Variants in GPHN observed in about 807,000 individuals in gnomAD.
GPHN encodes the protein gephyrin.
In GPHN, 17 loss-of-function variants were observed where a neutral mutation model predicts 95.5. That is an observed-to-expected ratio of 0.18 (90% CI 0.12 to 0.27). The LOEUF (loss-of-function observed/expected upper bound fraction) is 0.27, where lower values mean the gene tolerates loss of function less well. GPHN is among the 10% of genes least tolerant of loss of function. The pLI is 1.00. For missense variants in GPHN, 660 were observed against 978.1 expected, an observed-to-expected ratio of 0.67 and a Z score of 4.34; for synonymous variants, 320 against 322.5, an observed-to-expected ratio of 0.99 and a Z score of 0.08.
chr14:67,210,287 T>A, the GPHN span, among the ~76,000 whole-genome samples: 7 of 152,072 alleles, frequency 4.6e-5, no homozygotes, highest in African/African-American at 1.7e-4. Flanking sequence ...TGGGCAGAAT[T>A]TCAATGAAAA....
At chr14:66,690,028 AT>A (rs1460729964) in intron 2 of GPHN, among the ~76,000 whole-genome samples, 1 of 146,004 alleles carries the variant, frequency 6.8e-6, no homozygotes. Context: ...TATATGTTGT[AT>A]TTTTTTCTCA....
chr14:67,655,146 CT>C, the GPHN span, among the ~76,000 whole-genome samples: 6 of 151,158 alleles, frequency 4.0e-5, no homozygotes, highest in East Asian at 1.2e-3. Flanking sequence ...TCGAGAGCAA[CT>C]TTGGCAACAT....
At chr14:67,212,806 G>A in the GPHN span, among the ~76,000 whole-genome samples, 1 of 151,664 alleles carries the variant, frequency 6.6e-6, no homozygotes, top group Non-Finnish European at 1.5e-5. Context: ...GTGATCCTTA[G>A]GAGAGCCACA....
chr14:66,659,267 C>G (rs2065492546), intron 1 of GPHN, among the ~76,000 whole-genome samples: 2 of 151,714 alleles, frequency 1.3e-5, no homozygotes, highest in South Asian at 4.2e-4. Context: ...TGTGCCTTGT[C>G]TGGTATGTTT....
chr14:66,898,264 TCTAAGCACCCTTCAC>T (rs2064956393), intron 5 of GPHN, among the ~76,000 whole-genome samples: 1 of 151,904 alleles, frequency 6.6e-6, no homozygotes, highest in Non-Finnish European at 1.5e-5. Flanking sequence ...TGATGTAAAG[TCTAAGCACCCTTCAC>T]CTAGGCAAAG....
chr14:66,683,650 G>A (rs1392995694), intron 2 of GPHN, among the ~76,000 whole-genome samples: 1 of 147,602 alleles, frequency 6.8e-6, no homozygotes. Flanking sequence ...ACATTGAATA[G>A]GAAGTATATC....
chr14:67,600,857 G>C, the GPHN span, among the ~76,000 whole-genome samples: 1 of 152,200 alleles, frequency 6.6e-6, no homozygotes, highest in Non-Finnish European at 1.5e-5. Flanking sequence ...GGGATTACAG[G>C]CGTGAGCCAC....
At chr14:67,242,995 CAG>C in the GPHN span, among the ~76,000 whole-genome samples, 9 of 152,122 alleles carry the variant, frequency 5.9e-5, no homozygotes, top group Non-Finnish European at 1.0e-4. Flanking sequence ...AATCTCATCA[CAG>C]GGGCACGTGT....
the GPHN span, among the ~76,000 whole-genome samples, chr14:67,701,526 T>G: frequency 6.8e-6 from 1 of 147,726 alleles, no homozygotes; most frequent in Admixed American, 7.0e-5. Context: ...CAGGTTCAAG[T>G]GATTCTCCCG....
chr14:67,557,934 C>T, the GPHN span, among the ~76,000 whole-genome samples: 20 of 152,308 alleles, frequency 1.3e-4, 1 homozygote, highest in East Asian at 1.5e-3. Context: ...GATGGTCAGT[C>T]GTGGCCAGCT....
chr14:67,560,383 A>G, the GPHN span, among the ~76,000 whole-genome samples: 1 of 152,200 alleles, frequency 6.6e-6, no homozygotes, highest in Non-Finnish European at 1.5e-5. Context: ...GTGGTAAAAT[A>G]TACATAAAAT....
At chr14:66,560,123 T>C (rs559340031) in intron 1 of GPHN, among the ~76,000 whole-genome samples, 181 of 152,284 alleles carry the variant, frequency 1.2e-3, no homozygotes, top group African/African-American at 4.0e-3. Flanking sequence ...ACCAGTACCA[T>C]GCTGTTTTGG....
intron 9 of GPHN, among the ~76,000 whole-genome samples, chr14:66,979,994 C>T (rs2070543877): frequency 6.6e-6 from 1 of 152,026 alleles, no homozygotes; most frequent in Non-Finnish European, 1.5e-5. Flanking sequence ...GCACACACAG[C>T]ATTTATCAGT....
chr14:66,541,595 C>T (rs1368254813), intron 1 of GPHN, among the ~76,000 whole-genome samples: 22 of 152,004 alleles, frequency 1.4e-4, no homozygotes, highest in Admixed American at 1.3e-3. Flanking sequence ...TGAAGGAGAT[C>T]GATCTGCAGA....
chr14:66,704,421 C>T (rs975545379), intron 2 of GPHN, among the ~76,000 whole-genome samples: 7 of 152,006 alleles, frequency 4.6e-5, no homozygotes, highest in African/African-American at 7.2e-5. Flanking sequence ...GGAAGTAAAA[C>T]GCTCCTCAGC....
At chr14:67,143,211 C>G in intron 17 of GPHN, 151 bp from the exon 18 acceptor site, 1 of 678,280 alleles carries the variant, frequency 1.5e-6, no homozygotes, top group Non-Finnish European at 2.7e-6. Context: ...TCCTGTTAGG[C>G]AGAGACCCTT....
At chr14:66,896,820 A>G (rs1211845463) in intron 5 of GPHN, among the ~76,000 whole-genome samples, 2 of 152,038 alleles carry the variant, frequency 1.3e-5, no homozygotes, top group Admixed American at 1.3e-4. Context: ...ACAAAACAAA[A>G]AAAAACAAAG....
chr14:67,452,555 C>G, the GPHN span, among the ~76,000 whole-genome samples: 1 of 152,112 alleles, frequency 6.6e-6, no homozygotes, highest in Non-Finnish European at 1.5e-5. Context: ...TCCAAGTGGC[C>G]CTGTGCCTTA....
intron 4 of GPHN, among the ~76,000 whole-genome samples, chr14:66,838,611 C>T (rs1466844768): frequency 6.6e-6 from 1 of 151,946 alleles, no homozygotes; most frequent in Non-Finnish European, 1.5e-5. Context: ...AAATTAACAA[C>T]AAAATATAAA....
Sources: gnomAD v4.1 joint callset for allele counts (sites outside exome capture counted in the v4.1 genomes callset) on GRCh38, gnomAD v4.1.1 for gene constraint, MANE v1.5 for transcripts, NCBI Gene and HGNC (gene_info 2026-07-23, HGNC 2026-07-21) for gene names.